WDR59: variants seen among roughly 807,000 people sequenced by gnomAD.
WDR59 encodes the protein WD repeat domain 59, also known as GATOR2 complex protein WDR59.
WDR59 carries 100 observed loss-of-function variants against 131.2 expected under a neutral mutation model. The observed-to-expected ratio is 0.76, with a 90% CI of 0.65 to 0.90. The LOEUF (loss-of-function observed/expected upper bound fraction) is 0.90. Ranked by LOEUF, WDR59 falls within the 40% of genes least tolerant of loss-of-function variation. WDR59 has a pLI of 0.00. For synonymous variants in WDR59, 601 were observed against 466.2 expected, an observed-to-expected ratio of 1.29 and a Z score of -3.72; for missense variants, 1,203 against 1,262.2, an observed-to-expected ratio of 0.95 and a Z score of 0.71.
intron 14 of WDR59, among the ~76,000 whole-genome samples, chr16:74,911,509 C>T (rs573218667): frequency 4.6e-5 from 7 of 152,150 alleles, no homozygotes; most frequent in Non-Finnish European, 8.8e-5. Flanking sequence ...TATGAAGAGG[C>T]TCATGGGGCT....
At chr16:74,982,424 A>G (rs1185419355) in intron 1 of WDR59, among the ~76,000 whole-genome samples, 2 of 152,170 alleles carry the variant, frequency 1.3e-5, no homozygotes, top group Admixed American at 1.3e-4. Context: ...TTACTGTGAC[A>G]ACTGCTGTTG....
In WDR59 at chr16:74,980,356, C is replaced by CT. The variant is rs35672894; in HGVS notation, c.54+4607dup. Among the ~76,000 whole-genome samples the CT allele has an allele frequency of 7.0e-3, 931 of 132,536 alleles. 5 individuals carry two copies. The highest frequency in any genetic ancestry group is 0.022 in the South Asian group (87 of 3,990). The allele number at this position is 132,536 out of a possible 152,430, so 86.9% of individuals were successfully genotyped here. A position where few individuals can be genotyped will look rare whatever the true frequency, so the allele number is the denominator to read the frequency against. On this transcript the variant is annotated intron_variant, in intron 1 of 25. Transcript: ENST00000262144. ...GGGTTTTCCTCTGAAAAATCTAAGT[C>CT]TTTTTTTTTTTTTTTTTTGAGACAG...
chr16:74,956,679 C>A (rs1438805335), intron 2 of WDR59, 69 bp from the exon 3 acceptor site: 13 of 1,559,000 alleles, frequency 8.3e-6, no homozygotes, highest in Non-Finnish European at 1.1e-5. Flanking sequence ...TAGAAAAGCA[C>A]AATTGGAATT....
chr16:74,915,989 T>G lies in WDR59; in HGVS notation c.1105A>C (p.Lys369Gln). The change falls in exon 13 of 26, where the codon AAA (lysine) becomes CAA (glutamine). Residue 369 changes from lysine to glutamine, a missense_variant. By Grantham distance (53) the Lys-to-Gln change is moderately conservative. Coordinates refer to ENST00000262144, the MANE Select transcript of WDR59 (RefSeq NM_030581.4). ...AGGAGATTTCTAGGGGGATCTTCTT[T>G]TAGGGCTAGCAGGAGAGAGAAGTTC... ...TASHGEEEAL[K>Q]EDPPRNLLEE... The G allele has an allele frequency of 6.2e-7, 1 of 1,614,196 alleles. No homozygotes were observed. Among genetic ancestry groups the G allele is most frequent in the South Asian group, 1.1e-5 (1 of 91,088 alleles).
At chr16:74,942,500 G>A (rs1038290320) in intron 7 of WDR59, among the ~76,000 whole-genome samples, 1 of 152,134 alleles carries the variant, frequency 6.6e-6, no homozygotes, top group Non-Finnish European at 1.5e-5. Flanking sequence ...ATAATTAGGA[G>A]GTGGCAAAAT....
chr16:74,921,677 C>G (rs1218464889), intron 10 of WDR59, among the ~76,000 whole-genome samples: 2 of 152,206 alleles, frequency 1.3e-5, no homozygotes, highest in African/African-American at 4.8e-5. Flanking sequence ...CAGCAAATCT[C>G]TATCTTCCGT....
chr16:74,919,209 T>C (rs1000157628), intron 10 of WDR59, among the ~76,000 whole-genome samples: 4 of 152,174 alleles, frequency 2.6e-5, no homozygotes, highest in Non-Finnish European at 5.9e-5. Context: ...CCCAACTGGC[T>C]GATTCTACGC....
intron 1 of WDR59, among the ~76,000 whole-genome samples, chr16:74,966,374 G>C (rs1360615965): frequency 6.6e-6 from 1 of 152,124 alleles, no homozygotes; most frequent in African/African-American, 2.4e-5. Flanking sequence ...CAGCTATTCG[G>C]GAGGATGAGG....
intron 1 of WDR59, among the ~76,000 whole-genome samples, chr16:74,975,025 G>A (rs938076483): frequency 5.3e-5 from 8 of 152,132 alleles, no homozygotes; most frequent in South Asian, 2.1e-4. Flanking sequence ...ATGGCCTGGG[G>A]AACCCCCAAC....
At chr16:74,886,562 G>T in intron 23 of WDR59, 166 bp from the exon 24 acceptor site, 2 of 864,902 alleles carry the variant, frequency 2.3e-6, no homozygotes, top group Non-Finnish European at 3.3e-6. Flanking sequence ...TCCTACCCTT[G>T]CCTTTTTGCG....
intron 6 of WDR59, among the ~76,000 whole-genome samples, chr16:74,943,209 T>A (rs1597766132): frequency 6.6e-6 from 1 of 151,136 alleles, no homozygotes; most frequent in East Asian, 1.9e-4. Context: ...GCACTCCTAA[T>A]TAGAACAGCC....
At position 74,978,539 on chromosome 16, in the gene WDR59, G is replaced by T. The variant is rs375277849; in HGVS notation, c.54+6425C>A. 1.2e-4 allele frequency among the ~76,000 whole-genome samples: 18 copies of T among 152,164 alleles called. 3 individuals carry two copies. The highest frequency in any genetic ancestry group is 7.7e-4 in the East Asian group (4 of 5,182). ...ACAAAAATGAAAGCCAGACTCAAAA[G>T]GCTACACATCATATCACATGATTCC... is the stretch of plus-strand genomic sequence containing the variant. On this transcript the variant is annotated intron_variant, in intron 1 of 25. Coordinates refer to ENST00000262144, the MANE Select transcript of WDR59 (RefSeq NM_030581.4).
intron 4 of WDR59, among the ~76,000 whole-genome samples, 180 bp downstream of exon 4, chr16:74,951,278 C>T (rs1445982709): frequency 1.3e-5 from 2 of 152,062 alleles, no homozygotes; most frequent in Admixed American, 6.6e-5. Context: ...TCCTAAATGC[C>T]GGCTGTTCCT....
chr16:74,925,257 C>T (rs917857925), intron 8 of WDR59, among the ~76,000 whole-genome samples: 10 of 152,056 alleles, frequency 6.6e-5, no homozygotes, highest in Admixed American at 2.6e-4. Context: ...TATACTAGTC[C>T]GGGTGTGGTA....
chr16:74,900,099 G>A (rs546057960), intron 18 of WDR59, among the ~76,000 whole-genome samples: 1 of 152,340 alleles, frequency 6.6e-6, no homozygotes, highest in South Asian at 2.1e-4. Flanking sequence ...AGATCATTGT[G>A]CAAGTGGAGA....
chr16:74,871,497 G>A lies in WDR59; in HGVS notation c.*2712C>T, dbSNP rs554646504. 1 of 152,176 alleles carries A rather than the reference G, an allele frequency of 6.6e-6. No homozygotes were observed. Among genetic ancestry groups the A allele is most frequent in the South Asian group, 2.1e-4 (1 of 4,822 alleles). The allele number at this position is 152,176 out of a possible 1,614,324, so 9.4% of individuals were successfully genotyped here. On this transcript the variant is annotated 3_prime_UTR_variant, in exon 26 of 26. Coordinates refer to ENST00000262144, the MANE Select transcript of WDR59 (RefSeq NM_030581.4). ...TTCTGGTAACTTGGAAATTCAAAAGGAATTTCCGTATTGAAGGATGACATT... is the reference window on the plus strand; with the variant it reads ...TTCTGGTAACTTGGAAATTCAAAAGAAATTTCCGTATTGAAGGATGACATT...
intron 1 of WDR59, among the ~76,000 whole-genome samples, chr16:74,969,906 CCTG>C (rs1180515210): frequency 3.3e-5 from 5 of 151,906 alleles, no homozygotes; most frequent in Non-Finnish European, 5.9e-5. Flanking sequence ...CCCACCTCAG[CCTG>C]CTAATTTTTG....
intron 25 of WDR59, among the ~76,000 whole-genome samples, chr16:74,875,188 G>T (rs539908939): frequency 1.3e-5 from 2 of 152,162 alleles, no homozygotes; most frequent in Non-Finnish European, 2.9e-5. Context: ...TCAGGACACC[G>T]GGATGCCGCT....
intron 18 of WDR59, among the ~76,000 whole-genome samples, chr16:74,896,009 G>T (rs1461025426): frequency 6.6e-6 from 1 of 151,792 alleles, no homozygotes; most frequent in Non-Finnish European, 1.5e-5. Flanking sequence ...AGGTTTCCAG[G>T]ACTTTAAAAA....
Sources: allele counts gnomAD v4.1 joint callset (sites outside exome capture counted in the v4.1 genomes callset), GRCh38; gene constraint gnomAD v4.1.1; transcripts MANE v1.5; gene names NCBI Gene and HGNC (gene_info 2026-07-23, HGNC 2026-07-21).